Variants in IFIH1 observed in about 807,000 individuals in gnomAD.
IFIH1 encodes interferon-induced helicase C domain-containing protein 1.
IFIH1 carries 125 observed loss-of-function variants against 107.4 expected under a neutral mutation model. The ratio of observed to expected loss-of-function variants is 1.16; its 90% CI spans 1.01 to 1.35. The LOEUF (loss-of-function observed/expected upper bound fraction) is 1.35, where lower values mean the gene tolerates loss of function less well. Among genes scored for constraint, IFIH1 ranks in the 40% most tolerant of loss-of-function variants. IFIH1 has a pLI of 0.00. For synonymous variants in IFIH1, 458 were observed against 413.2 expected, an observed-to-expected ratio of 1.11 and a Z score of -1.31; for missense variants, 1,333 against 1,213.7, an observed-to-expected ratio of 1.10 and a Z score of -1.46.
chr2:162,281,407 G>C lies in IFIH1; in HGVS notation c.1445C>G (p.Pro482Arg). The C allele has an allele frequency of 6.2e-7, 1 of 1,612,842 alleles. No individual in the cohort carries two copies. Among genetic ancestry groups the C allele is most frequent in the Non-Finnish European group, 8.5e-7 (1 of 1,179,204 alleles). Residue 482 changes from proline (P) to arginine (R), a missense_variant, in exon 7 of 16, where the codon CCT becomes CGT. By Grantham distance (103) the Pro-to-Arg change is moderately radical. Transcript: ENST00000649979. Reference protein sequence around the residue: ...KKENKPVIPLPQILGLTASPG... With the variant: ...KKENKPVIPLRQILGLTASPG... ...TGAAGCTGTTAGTCCCAGTATCTGA[G>C]GAAGGGGAATCACTGGTTTGTTTTC... is the stretch of plus-strand genomic sequence containing the variant.
chr2:162,318,306 ATCTT>A lies in IFIH1; in HGVS notation c.-3_1del, dbSNP rs1683554957. On this transcript the variant is annotated start_lost and start_retained_variant and 5_prime_UTR_variant, in exon 1 of 16. Transcript: ENST00000649979. The stretch of plus-strand genomic sequence containing the variant: ...CTCGTCTGTGGAATACCCATTCGAC[ATCTT>A]TCTTTCTCAGAGAAGGGAGAGGGTT... 1.2e-6 allele frequency: 2 copies of A among 1,609,530 alleles called. No homozygotes were observed. Among genetic ancestry groups the A allele is most frequent in the Non-Finnish European group, 8.5e-7 (1 of 1,176,574 alleles).
chr2:162,292,985 A>G (rs578024171), intron 4 of IFIH1, among the ~76,000 whole-genome samples: 3 of 151,950 alleles, frequency 2.0e-5, no homozygotes, highest in South Asian at 4.1e-4. Flanking sequence ...AGGAAGAGGC[A>G]CTCTCATTTA....
At chr2:162,288,797 T>G (rs938476599) in intron 4 of IFIH1, among the ~76,000 whole-genome samples, 1 of 151,912 alleles carries the variant, frequency 6.6e-6, no homozygotes, top group African/African-American at 2.4e-5. Flanking sequence ...CTGAGAAAGT[T>G]GGAATCATTA....
At chr2:162,301,708 A>G (rs1412244359) in intron 3 of IFIH1, among the ~76,000 whole-genome samples, 2 of 152,236 alleles carry the variant, frequency 1.3e-5, no homozygotes, top group Admixed American at 1.3e-4. Flanking sequence ...ATAGAAGTCA[A>G]TTATTTGCTA....
intron 4 of IFIH1, among the ~76,000 whole-genome samples, chr2:162,292,748 A>T (rs185943798): frequency 3.3e-5 from 5 of 151,758 alleles, no homozygotes; most frequent in Admixed American, 2.0e-4. Context: ...TTTGTTTGTG[A>T]TTTGTTCATT....
At chr2:162,306,057 C>A (rs1488158533) in intron 3 of IFIH1, among the ~76,000 whole-genome samples, 3 of 152,182 alleles carry the variant, frequency 2.0e-5, no homozygotes, top group African/African-American at 4.8e-5. Flanking sequence ...GCAACTATTT[C>A]TTGTGAAAAC....
Position 162,277,552 on chromosome 2 carries a change from T to A in IFIH1, c.1907A>T (p.Lys636Met). 6.2e-7 allele frequency: 1 copy of A among 1,601,784 alleles called. No individual in the cohort carries two copies. Among genetic ancestry groups the A allele is most frequent in the South Asian group, 1.1e-5 (1 of 90,834 alleles). ...LETFYNEEKD[K>M]KFAVIEDDSD... is the part of the protein sequence containing the mutation. ...ATCATCTTCTATGACTGCAAACTTC[T>A]TATCTTTCTCTTCATTATAGAAAGT... The change falls in exon 10 of 16, where the codon AAG becomes ATG. Residue 636 changes from lysine to methionine, a missense_variant. Lys to Met is a moderately conservative substitution (Grantham distance 95, BLOSUM62 -1). Coordinates refer to ENST00000649979, the MANE Select transcript of IFIH1 (RefSeq NM_022168.4).
chr2:162,318,070 C>G lies in IFIH1; in HGVS notation c.238G>C (p.Val80Leu). The G allele has an allele frequency of 1.2e-6, 2 of 1,614,170 alleles. No homozygotes were observed. The highest frequency in any genetic ancestry group is 1.7e-6 in the Non-Finnish European group (2 of 1,180,028). ...VWHLGWTREF[V>L]EALRRTGSPL... ...CTGCCGGTTCTCCGGAGGGCCTCCA[C>G]GAATTCCCGAGTCCAACCAAGGTGC... The change falls in exon 1 of 16, where the codon GTG becomes CTG. Residue 80 changes from valine to leucine, a missense_variant. Val to Leu is a conservative substitution (Grantham distance 32, BLOSUM62 1). Transcript: ENST00000649979.
In IFIH1 at chr2:162,276,577, C is replaced by A. The variant is rs1247586273; in HGVS notation, c.2304+110G>T. Reference sequence around the variant, plus strand: ...TCTTGATCATGCCACTGCTCTTCAGCCTGAGTGACAGAGCGAGGCCTCGTC... The same window carrying A: ...TCTTGATCATGCCACTGCTCTTCAGACTGAGTGACAGAGCGAGGCCTCGTC... On this transcript the variant is annotated intron_variant, in intron 11 of 15. Transcript: ENST00000649979. 4.1e-6 allele frequency: 5 copies of A among 1,208,148 alleles called. No individual in the cohort carries two copies. In the East Asian group the frequency reaches 1.2e-4, roughly 29 times the overall value. 74.8% of individuals were successfully genotyped at this position (1,208,148 alleles called of 1,614,324 possible). A position where few individuals can be genotyped will look rare whatever the true frequency, so the allele number is the denominator to read the frequency against.
intron 12 of IFIH1, among the ~76,000 whole-genome samples, chr2:162,273,553 G>C (rs550072028): frequency 3.2e-4 from 48 of 152,112 alleles, no homozygotes; most frequent in Admixed American, 2.9e-3. Context: ...AAGCCTTAGG[G>C]TACAGAAATA....
In IFIH1 at chr2:162,268,121, T is replaced by C. The variant is rs1165752336; in HGVS notation, c.2773A>G (p.Lys925Glu). The change falls in exon 14 of 16, where the codon AAA becomes GAA. Residue 925 changes from lysine (K) to glutamate (E), a missense_variant. Lys to Glu is a moderately conservative substitution (Grantham distance 56, BLOSUM62 1). Transcript: ENST00000649979. ...GGGGTCATATTGACGTGATGCATTT[T>C]CTCAATTACATGGATATCTTCCCCA... ...CSGEDIHVIE[K>E]MHHVNMTPEF... The C allele has an allele frequency of 4.4e-6, 7 of 1,607,518 alleles. No individual in the cohort carries two copies. The highest frequency in any genetic ancestry group is 1.3e-5 in the African/African-American group (1 of 74,568).
chr2:162,288,204 A>T lies in IFIH1; in HGVS notation c.1026T>A (p.Ile342=). 6.2e-7 allele frequency: 1 copy of T among 1,612,746 alleles called. No individual in the cohort carries two copies. The highest frequency in any genetic ancestry group is 8.5e-7 in the Non-Finnish European group (1 of 1,179,224). ...TCTTCTTGTCTAAGTGATCCTTGGCAATGTAAACAGCCACTCTGGTTTTTC... is the reference window on the plus strand; with the variant it reads ...TCTTCTTGTCTAAGTGATCCTTGGCTATGTAAACAGCCACTCTGGTTTTTC... ...GSGKTRVAVY[I]AKDHLDKKKK... Residue 342 remains isoleucine (I), a synonymous_variant, in exon 5 of 16, where the codon ATT becomes ATA. Coordinates refer to ENST00000649979, the MANE Select transcript of IFIH1 (RefSeq NM_022168.4).
chr2:162,306,641 G>C, intron 3 of IFIH1, 68 bp downstream of exon 3: 2 of 1,217,130 alleles, frequency 1.6e-6, no homozygotes, highest in Non-Finnish European at 2.4e-6. Context: ...CTGATTAATA[G>C]GTTCTGCCCA....
intron 3 of IFIH1, among the ~76,000 whole-genome samples, chr2:162,304,434 C>A (rs1385973808): frequency 1.3e-5 from 2 of 152,112 alleles, no homozygotes; most frequent in South Asian, 2.1e-4. Flanking sequence ...TGTACTCCAG[C>A]CTGGGCGACA....
Position 162,317,958 on chromosome 2 carries a change from A to C in IFIH1, c.350T>G (p.Leu117Arg). 1 of 1,614,178 alleles carries C rather than the reference A, an allele frequency of 6.2e-7. No individual in the cohort carries two copies. The highest frequency in any genetic ancestry group is 8.5e-7 in the Non-Finnish European group (1 of 1,180,022). Residue 117 changes from leucine (L) to arginine (R), a missense_variant, in exon 1 of 16, where the codon CTG becomes CGG. Leu to Arg is a moderately radical substitution (Grantham distance 102). Transcript: ENST00000649979. ...FENAHDEYLQ[L>R]LNLLQPTLVD... Reference sequence around the variant, plus strand: ...CAGAGTGGGCTGAAGGAGGTTCAGCAGTTGGAGATATTCATCATGAGCGTT... The same window carrying C: ...CAGAGTGGGCTGAAGGAGGTTCAGCCGTTGGAGATATTCATCATGAGCGTT...
intron 2 of IFIH1, 161 bp downstream of exon 2, chr2:162,310,604 C>T (rs897719989): frequency 5.0e-6 from 3 of 601,844 alleles, no homozygotes; most frequent in Non-Finnish European, 8.7e-6. Context: ...TCAATTTCCT[C>T]ATTTGTTAAG....
intron 7 of IFIH1, among the ~76,000 whole-genome samples, chr2:162,280,546 C>A (rs1397196876): frequency 6.6e-6 from 1 of 151,818 alleles, no homozygotes; most frequent in Admixed American, 6.6e-5. Flanking sequence ...ATCATACTAC[C>A]ACCTTCTTCT....
At chr2:162,268,380 TA>T (rs1430600794) in intron 13 of IFIH1, 103 bp from the exon 14 acceptor site, 26 of 680,998 alleles carry the variant, frequency 3.8e-5, no homozygotes, top group Non-Finnish European at 5.2e-5. Flanking sequence ...TGTGAAAATA[TA>T]CCCTTAGCTT....
chr2:162,318,347 A>T lies in IFIH1; in HGVS notation c.-40T>A, dbSNP rs763861156. On this transcript the variant is annotated 5_prime_UTR_variant, in exon 1 of 16. Coordinates refer to ENST00000649979, the MANE Select transcript of IFIH1 (RefSeq NM_022168.4). The stretch of plus-strand genomic sequence containing the variant: ...GAAGGGAGAGGGTTCTCCCAAGCAG[A>T]TGGTGCTGTTGTCTGCGGGACAGGT... 4.6e-6 allele frequency: 7 copies of T among 1,537,826 alleles called. No homozygotes were observed. Among genetic ancestry groups the T allele is most frequent in the Non-Finnish European group, 2.7e-6 (3 of 1,119,154 alleles).
Sources: gnomAD v4.1 joint callset for allele counts (sites outside exome capture counted in the v4.1 genomes callset) on GRCh38, gnomAD v4.1.1 for gene constraint, MANE v1.5 for transcripts, NCBI Gene and HGNC (gene_info 2026-07-23, HGNC 2026-07-21) for gene names.